The following BRD3 variants were observed in gnomAD, a reference collection of about 807,000 sequenced individuals.
The protein encoded by BRD3 is bromodomain containing 3.
BRD3 carries 17 observed loss-of-function variants against 66.8 expected under a neutral mutation model. That is an observed-to-expected ratio of 0.25 (90% CI 0.17 to 0.38). The LOEUF is 0.38. BRD3 is among the 10% of genes least tolerant of loss of function. The pLI is 1.00. For synonymous variants in BRD3, 421 were observed against 393.2 expected, an observed-to-expected ratio of 1.07 and a Z score of -0.84; for missense variants, 713 against 956.1, an observed-to-expected ratio of 0.75 and a Z score of 3.35.
intron 1 of BRD3, chr9:134,057,052 A>G (rs1588297585): frequency 6.6e-6 from 1 of 152,386 alleles, no homozygotes; most frequent in African/African-American, 2.4e-5. Context: ...GACCAACTCG[A>G]AAGACCTCCC....
Position 134,034,835 on chromosome 9 carries a change from G to A in BRD3, c.1937-6C>T, listed in dbSNP as rs372535973. The A allele has an allele frequency of 3.7e-6, 6 of 1,611,086 alleles. No homozygotes were observed. Among genetic ancestry groups the A allele is most frequent in the African/African-American group, 2.7e-5 (2 of 74,928 alleles). On this transcript the variant is annotated splice_region_variant and splice_polypyrimidine_tract_variant and intron_variant, in intron 10 of 11. Transcript: ENST00000303407. Reference sequence around the variant, plus strand: ...CTGTTTCTTCCCGCTTGCTGCTGTCGGGGAACAAATGGGCACTCAGACTGC... The same window carrying A: ...CTGTTTCTTCCCGCTTGCTGCTGTCAGGGAACAAATGGGCACTCAGACTGC...
At position 134,053,368 on chromosome 9, in the gene BRD3, T is replaced by C. The variant is rs1322625228; in HGVS notation, c.110A>G (p.Asn37Ser). ...CACATTCTGCATGTACTGCAGCTGG[T>C]TGGTCTTGCGGCCGGGCTTGCTGGG... is the stretch of plus-strand genomic sequence containing the variant. ...SNPSKPGRKT[N>S]QLQYMQNVVV... Residue 37 changes from asparagine to serine, a missense_variant, in exon 2 of 12, where the codon AAC becomes AGC. Around this residue, in one of 5 missense-constraint regions of BRD3, gnomAD observed 85 missense variants for 152.4 expected, o/e 0.56. Transcript: ENST00000303407. The C allele has an allele frequency of 2.4e-5, 38 of 1,613,454 alleles. No individual in the cohort carries two copies. Among genetic ancestry groups the C allele is most frequent in the Non-Finnish European group, 3.1e-5 (36 of 1,179,988 alleles).
Position 134,051,456 on chromosome 9 carries a change from G to A in BRD3, c.499+106C>T, listed in dbSNP as rs191445055. The A allele has an allele frequency of 4.5e-5, 56 of 1,256,930 alleles. 1 individual carries two copies. The East Asian group carries it at 5.9e-4, about 13-fold the overall frequency. The allele number at this position is 1,256,930 out of a possible 1,614,324, so 77.9% of individuals were successfully genotyped here. On this transcript the variant is annotated intron_variant, in intron 4 of 11. Transcript: ENST00000303407. ...GACCCGGCACCCACGAGCTCGTCACGACAGATGGGAAACAGCTCAGATGGC... is the reference window on the plus strand; with the variant it reads ...GACCCGGCACCCACGAGCTCGTCACAACAGATGGGAAACAGCTCAGATGGC...
intron 7 of BRD3, among the ~76,000 whole-genome samples, chr9:134,042,295 G>A (rs569344555): frequency 6.6e-6 from 1 of 152,276 alleles, no homozygotes; most frequent in Admixed American, 6.5e-5. Context: ...TGTGAAACGG[G>A]AAACAGTGTC....
In BRD3 at chr9:134,048,317, G is replaced by C. The variant is rs369250564; in HGVS notation, c.852C>G (p.Arg284=). Residue 284 remains arginine, a synonymous_variant, in exon 6 of 12, where the codon CGC becomes CGG. Transcript: ENST00000303407. The part of the protein sequence containing the change: ...KVVARRESGG[R]PIKPPKKDLE... Reference sequence around the variant, plus strand: ...GGTCCTTCTTGGGAGGCTTGATGGGGCGGCCACCACTCTCCCGCCGGGCCA... The same window carrying C: ...GGTCCTTCTTGGGAGGCTTGATGGGCCGGCCACCACTCTCCCGCCGGGCCA... 12 of 1,600,188 alleles carry C rather than the reference G, an allele frequency of 7.5e-6. No individual in the cohort carries two copies. The Admixed American group carries it at 1.0e-4, about 13-fold the overall frequency.
rs200585854 is a variant in BRD3 at position 134,033,453 on chromosome 9, C to T, written c.*137G>A. On this transcript the variant is annotated 3_prime_UTR_variant, in exon 12 of 12. Transcript: ENST00000303407. This position sits in a 1 kb window ranked among gnomAD's most constrained non-coding sequence, Gnocchi z 5.1. The stretch of plus-strand genomic sequence containing the variant: ...GATCTCTGACCTATGAAAGCAAAAA[C>T]TGGAAGATATCATAACACTGAATTA... 3.4e-6 allele frequency: 2 copies of T among 583,040 alleles called. No individual in the cohort carries two copies. Among genetic ancestry groups the T allele is most frequent in the Non-Finnish European group, 3.1e-6 (1 of 322,666 alleles). The allele number at this position is 583,040 out of a possible 1,614,324, so 36.1% of individuals were successfully genotyped here.
intron 1 of BRD3, chr9:134,058,784 AG>A (rs1419576315): frequency 6.6e-6 from 1 of 152,342 alleles, no homozygotes; most frequent in Non-Finnish European, 1.5e-5. Context: ...TTGCTGCAAA[AG>A]AAAAAACCCA....
rs1588286717 is a variant in BRD3 at position 134,048,330 on chromosome 9, T to C, written c.839A>G (p.Glu280Gly). ...PKQAKVVARR[E>G]SGGRPIKPPK... ...AGGCTTGATGGGGCGGCCACCACTC[T>C]CCCGCCGGGCCACCACTTTGGCCTG... Residue 280 changes from glutamate (E) to glycine (G), a missense_variant, in exon 6 of 12, where the codon GAG (glutamate) becomes GGG (glycine). Transcript: ENST00000303407. The C allele has an allele frequency of 6.9e-6, 11 of 1,598,924 alleles. No individual in the cohort carries two copies. Among genetic ancestry groups the C allele is most frequent in the Non-Finnish European group, 9.3e-6 (11 of 1,179,282 alleles).
chr9:134,035,866 G>A (rs182755658), intron 10 of BRD3, among the ~76,000 whole-genome samples, 166 bp downstream of exon 10: 6 of 152,352 alleles, frequency 3.9e-5, no homozygotes, highest in Non-Finnish European at 7.3e-5. Flanking sequence ...CTGGCCCTGG[G>A]TGAGCACAGA....
At chr9:134,034,424 A>C in intron 11 of BRD3, 4 of 409,558 alleles carry the variant, frequency 9.8e-6, no homozygotes, top group Non-Finnish European at 1.3e-5. Flanking sequence ...CAGCCCCACA[A>C]GAGCCCTCTC....
At chr9:134,068,265 A>C (rs1216598580), upstream of BRD3, 1 of 145,446 alleles carries the variant, frequency 6.9e-6, no homozygotes. Flanking sequence ...CCCGCCCGGC[A>C]GGGCAACAAC....
At position 134,031,807 on chromosome 9, in the gene BRD3, C is replaced by T. The variant is rs1258354650; in HGVS notation, c.*1783G>A. On this transcript the variant is annotated 3_prime_UTR_variant, in exon 12 of 12. Coordinates refer to ENST00000303407, the MANE Select transcript of BRD3 (RefSeq NM_007371.4). ...AATGCTGGCAGAAAGCACTGGCCAC[C>T]ATACAGGACAGACCACACCACAGCT... The T allele has an allele frequency of 2.3e-5, 5 of 220,216 alleles. No individual in the cohort carries two copies. Among genetic ancestry groups the T allele is most frequent in the Admixed American group, 5.8e-5 (1 of 17,340 alleles). 13.6% of individuals were successfully genotyped at this position (220,216 alleles called of 1,614,324 possible).
intron 1 of BRD3, among the ~76,000 whole-genome samples, chr9:134,063,335 G>A (rs1299643793): frequency 6.6e-6 from 1 of 152,220 alleles, no homozygotes. Context: ...CCCAGCCCCT[G>A]GTACCAGCGA....
Position 134,041,808 on chromosome 9 carries a change from C to A in BRD3, c.1359G>T (p.Ser453=). Residue 453 remains serine, a synonymous_variant, in exon 8 of 12, where the codon TCG becomes TCT. Coordinates refer to ENST00000303407, the MANE Select transcript of BRD3 (RefSeq NM_007371.4). Reference sequence around the variant, plus strand: ...TGGTGGCCCGCTCCTCCTCCGAGTCCGAGCTGCCTGAGTCCGAAGAGCTCT... The same window carrying A: ...TGGTGGCCCGCTCCTCCTCCGAGTCAGAGCTGCCTGAGTCCGAAGAGCTCT... ...SEESSSDSGS[S]DSEEERATRL... 6.2e-7 allele frequency: 1 copy of A among 1,612,690 alleles called. No homozygotes were observed. Among genetic ancestry groups the A allele is most frequent in the Non-Finnish European group, 8.5e-7 (1 of 1,179,812 alleles).
intron 1 of BRD3, among the ~76,000 whole-genome samples, chr9:134,055,393 C>CG (rs1047152754): frequency 2.6e-5 from 4 of 152,144 alleles, no homozygotes; most frequent in African/African-American, 9.7e-5. Context: ...CTGTGACTTG[C>CG]GGCCCTCCCT....
chr9:134,053,285 C>T lies in BRD3; in HGVS notation c.193G>A (p.Ala65Thr), dbSNP rs200965087. 1.5e-5 allele frequency: 24 copies of T among 1,613,414 alleles called. No individual in the cohort carries two copies. Among genetic ancestry groups the T allele is most frequent in the East Asian group, 4.5e-5 (2 of 44,874 alleles). Residue 65 changes from alanine (A) to threonine (T), a missense_variant, in exon 2 of 12, where the codon GCA becomes ACA. Transcript: ENST00000303407. ...CGCACCGGCAGGTTCAATTTGATTG[C>T]GTCCACGGGCTGGTAGAAGGGCCAG... ...FAWPFYQPVD[A>T]IKLNLPDYHK...
rs1588289341 is a variant in BRD3, at chr9:134,050,547, T to C, written c.541A>G (p.Thr181Ala). ...GTGGGGGGCACGCTCTGAAAGGGGG[T>C]CGCTGGGGAGACAGAGGACACGGCC... ...VAAVSSVSPA[T>A]PFQSVPPTVS... Residue 181 changes from threonine (T) to alanine (A), a missense_variant, in exon 5 of 12, where the codon ACC becomes GCC. By Grantham distance (58) the Thr-to-Ala change is moderately conservative (BLOSUM62 0). Coordinates refer to ENST00000303407, the MANE Select transcript of BRD3 (RefSeq NM_007371.4). 6.2e-7 allele frequency: 1 copy of C among 1,603,120 alleles called. No individual in the cohort carries two copies. The highest frequency in any genetic ancestry group is 1.7e-5 in the Admixed American group (1 of 59,254).
chr9:134,058,190 C>T (rs1275239048), intron 1 of BRD3: 2 of 152,326 alleles, frequency 1.3e-5, no homozygotes, highest in Non-Finnish European at 2.9e-5. Context: ...CAGGCCACAG[C>T]TTCACTCATG....
chr9:134,068,045 C>G (rs919723172), upstream of BRD3: 1 of 144,496 alleles, frequency 6.9e-6, no homozygotes, highest in African/African-American at 2.5e-5. Context: ...CGGAGCCGAG[C>G]AGGGCTCATG....
Sources: gnomAD v4.1 joint callset for allele counts (sites outside exome capture counted in the v4.1 genomes callset) on GRCh38, gnomAD v4.1.1 for gene constraint, gnomAD v4.1.1 regional missense constraint, Gnocchi (gnomAD v3.1) non-coding constraint, MANE v1.5 for transcripts, NCBI Gene and HGNC (gene_info 2026-07-23, HGNC 2026-07-21) for gene names.